ZNF655: variants seen among roughly 807,000 people sequenced by gnomAD.
ZNF655 encodes zinc finger protein 655.
A neutral mutation model predicts 6.6 loss-of-function variants in ZNF655; 3 were observed. The observed-to-expected ratio is 0.46, with a 90% CI of 0.21 to 1.18. The LOEUF (loss-of-function observed/expected upper bound fraction) is 1.18. Among genes scored for constraint, ZNF655 ranks in the 50% most tolerant of loss-of-function variants. The pLI is 0.24. For missense variants in ZNF655, 526 were observed against 572.3 expected, an observed-to-expected ratio of 0.92 and a Z score of 0.83; for synonymous variants, 178 against 195.0, an observed-to-expected ratio of 0.91 and a Z score of 0.73.
chr7:99,565,397 C>A (rs556147157), intron 2 of ZNF655, among the ~76,000 whole-genome samples: 150 of 152,268 alleles, frequency 9.9e-4, no homozygotes, highest in African/African-American at 3.5e-3. Context: ...TCTCGATCTC[C>A]TGACCTCGTG....
At chr7:99,571,623 GA>G in intron 2 of ZNF655, 1 of 1,272,620 alleles carries the variant, frequency 7.9e-7, no homozygotes, top group Non-Finnish European at 1.1e-6. Flanking sequence ...TTAGTTAAAA[GA>G]AAAAGTGGCA....
At chr7:99,562,026 T>C in intron 2 of ZNF655, 1 of 1,436,198 alleles carries the variant, frequency 7.0e-7, no homozygotes, top group East Asian at 2.6e-5. Context: ...ACTGATGGAG[T>C]GTGGCCTCTC....
chr7:99,573,660 C>A lies in ZNF655; in HGVS notation c.*76C>A. On this transcript the variant is annotated 3_prime_UTR_variant, in exon 3 of 3. Transcript: ENST00000252713. ...CTGAGAGTTCACACCAGGGAGAAAT[C>A]ATGTATGTACTGCATGTGGTAAAGC... is the stretch of plus-strand genomic sequence containing the variant. 1.3e-6 allele frequency: 2 copies of A among 1,495,432 alleles called. No homozygotes were observed. The highest frequency in any genetic ancestry group is 1.3e-5 in the South Asian group (1 of 77,390). 92.6% of individuals were successfully genotyped at this position (1,495,432 alleles called of 1,614,324 possible).
chr7:99,571,243 T>C (rs780373099), intron 2 of ZNF655: 26 of 1,288,888 alleles, frequency 2.0e-5, no homozygotes, highest in Non-Finnish European at 2.5e-5. Context: ...CAGTTTTCAC[T>C]GATTCTCTTG....
At chr7:99,567,327 A>C (rs967860402) in intron 2 of ZNF655, among the ~76,000 whole-genome samples, 3 of 152,086 alleles carry the variant, frequency 2.0e-5, no homozygotes, top group African/African-American at 7.2e-5. Flanking sequence ...TGAGGTTGGG[A>C]GTTCGAGACC....
chr7:99,576,078 C>G lies in ZNF655; in HGVS notation c.*2494C>G, dbSNP rs1392693149. On this transcript the variant is annotated 3_prime_UTR_variant, in exon 3 of 3. Coordinates refer to ENST00000252713, the MANE Select transcript of ZNF655 (RefSeq NM_138494.3). ...CAGTGTTATAATATTCAGTAGGGAC[C>G]CTCAACAAATATATAAAAATATGTT... 6.6e-6 allele frequency: 1 copy of G among 152,126 alleles called. No homozygotes were observed. Among genetic ancestry groups the G allele is most frequent in the Non-Finnish European group, 1.5e-5 (1 of 68,022 alleles). 9.4% of individuals were successfully genotyped at this position (152,126 alleles called of 1,614,324 possible).
chr7:99,568,100 G>T (rs529960138), intron 2 of ZNF655, among the ~76,000 whole-genome samples: 8 of 150,868 alleles, frequency 5.3e-5, no homozygotes, highest in Non-Finnish European at 8.9e-5. Flanking sequence ...TACCTGCCTT[G>T]TGCTAGTTAC....
Position 99,572,362 on chromosome 7 carries a change from A to G in ZNF655, c.254A>G (p.Glu85Gly). 1 of 1,613,926 alleles carries G rather than the reference A, an allele frequency of 6.2e-7. No individual in the cohort carries two copies. Among genetic ancestry groups the G allele is most frequent in the East Asian group, 2.2e-5 (1 of 44,858 alleles). The change falls in exon 3 of 3, where the codon GAG becomes GGG. Residue 85 changes from glutamate (E) to glycine (G), a missense_variant. Transcript: ENST00000252713. ...RLKHDITQVP[E>G]TREVYKSEDR... is the part of the protein sequence containing the mutation. ...AAACACGATATTACCCAAGTTCCTG[A>G]GACTAGAGAAGTGTATAAGTCTGAG...
chr7:99,561,921 G>T, intron 2 of ZNF655: 1 of 1,594,120 alleles, frequency 6.3e-7, no homozygotes, highest in Non-Finnish European at 8.5e-7. Flanking sequence ...GCTCTTCCCC[G>T]TGAGGGAAGC....
At position 99,566,041 on chromosome 7, in the gene ZNF655, G is replaced by GTA. The variant is rs71108452; in HGVS notation, c.136+5359_136+5360dup. ...TTTATATGTGTGTGTGTGTGTGTGTGTATATATATATATAAAGGATATGTG... is the reference window on the plus strand; with the variant it reads ...TTTATATGTGTGTGTGTGTGTGTGTGTATATATATATATATAAAGGATATGTG... On this transcript the variant is annotated intron_variant, in intron 2 of 2. Transcript: ENST00000252713. Among the ~76,000 whole-genome samples, 54 of 149,952 alleles carry GTA rather than the reference G, an allele frequency of 3.6e-4. 1 individual carries two copies. The highest frequency in any genetic ancestry group is 6.0e-4 in the Admixed American group (9 of 15,036).
intron 2 of ZNF655, chr7:99,563,414 G>A (rs758055043): frequency 2.6e-4 from 43 of 167,434 alleles, no homozygotes; most frequent in Non-Finnish European, 5.0e-4. Context: ...TGCCTTCCAG[G>A]TTCAAGCGAT....
At chr7:99,563,834 T>C in intron 2 of ZNF655, 3 of 1,592,678 alleles carry the variant, frequency 1.9e-6, no homozygotes, top group Non-Finnish European at 2.6e-6. Context: ...TTAGTGTGTT[T>C]TCCATTCCTG....
chr7:99,560,633 A>G lies in ZNF655; in HGVS notation c.74A>G (p.Glu25Gly). Residue 25 changes from glutamate to glycine, a missense_variant, in exon 2 of 3, where the codon GAG becomes GGG. Transcript: ENST00000252713. ...TTTCAGTCTTTGGAGACCCAGTCTG[A>G]GTGTCTGTCCCCAGAGCCTCAGTTT... ...VQFQSLETQS[E>G]CLSPEPQFVQ... The G allele has an allele frequency of 6.2e-7, 1 of 1,614,118 alleles. No homozygotes were observed. Among genetic ancestry groups the G allele is most frequent in the South Asian group, 1.1e-5 (1 of 91,078 alleles).
intron 2 of ZNF655, chr7:99,562,592 G>A (rs1803283650): frequency 1.6e-6 from 2 of 1,273,182 alleles, no homozygotes; most frequent in Non-Finnish European, 1.1e-6. Flanking sequence ...GTAGAGTGTG[G>A]CTTAGATTCC....
intron 2 of ZNF655, chr7:99,571,657 T>C: frequency 6.6e-7 from 1 of 1,522,342 alleles, no homozygotes; most frequent in Non-Finnish European, 9.0e-7. Context: ...GGGGATACAT[T>C]GCCACATCCC....
At chr7:99,564,518 C>A in intron 2 of ZNF655, 1 of 986,016 alleles carries the variant, frequency 1.0e-6, no homozygotes, top group Non-Finnish European at 1.2e-6. Flanking sequence ...ATTATATTGC[C>A]TTTCCTGATT....
intron 2 of ZNF655, chr7:99,562,570 CT>C: frequency 6.7e-7 from 1 of 1,481,646 alleles, no homozygotes; most frequent in East Asian, 2.3e-5. Context: ...TATAAGGTCT[CT>C]GAGAAGGTCT....
intron 2 of ZNF655, among the ~76,000 whole-genome samples, chr7:99,565,042 C>T (rs1803515707): frequency 6.6e-6 from 1 of 152,196 alleles, no homozygotes; most frequent in African/African-American, 2.4e-5. Flanking sequence ...GAACACTAAG[C>T]TTGCGGGAAT....
rs567095801 is a variant in ZNF655, at chr7:99,570,389, G to A, written c.137-1856G>A. The A allele has an allele frequency of 3.3e-5, 5 of 152,294 alleles. No individual in the cohort carries two copies. The South Asian group carries it at 1.0e-3, about 32-fold the overall frequency. The allele number at this position is 152,294 out of a possible 1,614,324, so 9.4% of individuals were successfully genotyped here. On this transcript the variant is annotated intron_variant, in intron 2 of 2. Coordinates refer to ENST00000252713, the MANE Select transcript of ZNF655 (RefSeq NM_138494.3). Reference sequence around the variant, plus strand: ...TGTCCCACAGGATTTCAGAAACACAGTAAATACCTTTCTTCTATCTATTCT... The same window carrying A: ...TGTCCCACAGGATTTCAGAAACACAATAAATACCTTTCTTCTATCTATTCT...
Sources: allele counts gnomAD v4.1 joint callset (sites outside exome capture counted in the v4.1 genomes callset), GRCh38; gene constraint gnomAD v4.1.1; transcripts MANE v1.5; gene names NCBI Gene and HGNC (gene_info 2026-07-23, HGNC 2026-07-21).